Variants in THUMPD2 observed in about 807,000 individuals in gnomAD.
The protein encoded by THUMPD2 is U6 snRNA (guanine-N(2))-methyltransferase THUMPD2.
THUMPD2 carries 56 observed loss-of-function variants against 49.4 expected under a neutral mutation model. That is an observed-to-expected ratio of 1.13 (90% CI 0.91 to 1.41). The LOEUF is 1.41. THUMPD2 is among the 40% of genes most tolerant of loss of function. The pLI is 0.00. For synonymous variants in THUMPD2, 237 were observed against 205.2 expected (o/e 1.15, Z -1.32); for missense variants, 709 against 594.5 (o/e 1.19, Z -2.00).
chr2:39,769,599 G>C, intron 3 of THUMPD2, 111 bp downstream of exon 3: 2 of 1,134,094 alleles, frequency 1.8e-6, no homozygotes, highest in Non-Finnish European at 2.4e-6. Flanking sequence ...CTACTCAGGA[G>C]GCTGAGGCAA....
At chr2:39,747,637 G>T (rs1170947890) in intron 8 of THUMPD2, among the ~76,000 whole-genome samples, 1 of 152,046 alleles carries the variant, frequency 6.6e-6, no homozygotes, top group Non-Finnish European at 1.5e-5. Context: ...TGTGCAAAAT[G>T]AAATTTTTAA....
chr2:39,736,706 C>T lies in THUMPD2; in HGVS notation c.*29G>A. On this transcript the variant is annotated 3_prime_UTR_variant, in exon 10 of 10. Coordinates refer to ENST00000505747, the MANE Select transcript of THUMPD2 (RefSeq NM_025264.5). ...CTGCTGTACAGCTAACTTACAAGGGCCTGAACCCGGCTGATGGCAGCAAGC... is the reference window on the plus strand; with the variant it reads ...CTGCTGTACAGCTAACTTACAAGGGTCTGAACCCGGCTGATGGCAGCAAGC... 6.3e-7 allele frequency: 1 copy of T among 1,591,006 alleles called. No homozygotes were observed.
intron 1 of THUMPD2, 103 bp downstream of exon 1, chr2:39,779,011 G>C (rs1054151625): frequency 7.5e-7 from 1 of 1,329,924 alleles, no homozygotes; most frequent in Non-Finnish European, 9.6e-7. Context: ...GCGTGGAACA[G>C]AGAGGGGCGC....
intron 8 of THUMPD2, 64 bp downstream of exon 8, chr2:39,755,231 T>C: frequency 8.8e-7 from 1 of 1,134,116 alleles, no homozygotes; most frequent in Non-Finnish European, 1.2e-6. Flanking sequence ...TTGTTTTATA[T>C]TATGATTCTA....
chr2:39,747,302 C>T (rs4670956), intron 8 of THUMPD2, among the ~76,000 whole-genome samples: 84,019 of 151,976 alleles, frequency 0.55, 24,180 homozygotes, highest in East Asian at 0.75. Context: ...GACCTTCTCT[C>T]GTTTGGTTGC....
chr2:39,764,206 C>T (rs1397533026), intron 5 of THUMPD2, among the ~76,000 whole-genome samples: 3 of 152,168 alleles, frequency 2.0e-5, no homozygotes, highest in Non-Finnish European at 2.9e-5. Flanking sequence ...CTGGATTGAA[C>T]TGTTTCAAAA....
chr2:39,757,361 T>C, intron 6 of THUMPD2: 2 of 1,300,330 alleles, frequency 1.5e-6, no homozygotes, highest in Non-Finnish European at 1.0e-6. Flanking sequence ...GTCAGAGCCA[T>C]ATGGTACCTA....
intron 9 of THUMPD2, among the ~76,000 whole-genome samples, chr2:39,737,658 C>A (rs1469035292): frequency 6.6e-6 from 1 of 152,136 alleles, no homozygotes; most frequent in Non-Finnish European, 1.5e-5. Flanking sequence ...ATGCTATAAT[C>A]AAGGCAAGCA....
chr2:39,779,269 G>A (rs1679553491), upstream of THUMPD2: 3 of 1,460,474 alleles, frequency 2.1e-6, no homozygotes, highest in South Asian at 1.3e-5. Flanking sequence ...CGCGCCTTCG[G>A]GTCACGTGGC....
chr2:39,737,792 C>A (rs143451984), intron 9 of THUMPD2, among the ~76,000 whole-genome samples: 1 of 152,092 alleles, frequency 6.6e-6, no homozygotes, highest in Admixed American at 6.6e-5. Flanking sequence ...GGCAAAGCGA[C>A]GGCAAGCGGC....
chr2:39,736,979 T>C lies in THUMPD2; in HGVS notation c.1268A>G (p.Asn423Ser), dbSNP rs2148138798. ...HRRLTDCKESNIPFNSKDSHT... is the reference protein window; with the variant it reads ...HRRLTDCKESSIPFNSKDSHT... ...ACTGTCCTTGGAATTGAAAGGGATG[T>C]TGCTCTCTTTACAATCTGTAAGGCG... The change falls in exon 10 of 10, where the codon AAC (asparagine) becomes AGC (serine). Residue 423 changes from asparagine (N) to serine (S), a missense_variant. Coordinates refer to ENST00000505747, the MANE Select transcript of THUMPD2 (RefSeq NM_025264.5). 6.2e-7 allele frequency: 1 copy of C among 1,614,116 alleles called. No individual in the cohort carries two copies. The highest frequency in any genetic ancestry group is 1.3e-5 in the African/African-American group (1 of 75,030).
intron 5 of THUMPD2, among the ~76,000 whole-genome samples, chr2:39,761,694 A>G (rs1676845696): frequency 6.6e-6 from 1 of 152,170 alleles, no homozygotes; most frequent in Non-Finnish European, 1.5e-5. Flanking sequence ...GTAATTACAC[A>G]TGAGGAAAAT....
chr2:39,774,607 T>C (rs1192032607), intron 1 of THUMPD2, among the ~76,000 whole-genome samples: 1 of 152,226 alleles, frequency 6.6e-6, no homozygotes, highest in Non-Finnish European at 1.5e-5. Context: ...TTTGTGAAGA[T>C]AGGTATGATA....
intron 9 of THUMPD2, among the ~76,000 whole-genome samples, chr2:39,744,034 G>C (rs1305388975): frequency 7.9e-6 from 1 of 127,226 alleles, no homozygotes; most frequent in Non-Finnish European, 1.6e-5. Flanking sequence ...TTAACACAGA[G>C]AAGGCAGGTT....
intron 8 of THUMPD2, among the ~76,000 whole-genome samples, chr2:39,753,195 G>T (rs1675644821): frequency 6.6e-6 from 1 of 152,080 alleles, no homozygotes; most frequent in Admixed American, 6.5e-5. Context: ...TCAAGAAAAT[G>T]CTCTAAACTA....
chr2:39,747,265 ATT>A (rs1674726569), intron 8 of THUMPD2, among the ~76,000 whole-genome samples: 1 of 152,208 alleles, frequency 6.6e-6, no homozygotes, highest in Non-Finnish European at 1.5e-5. Context: ...GCCAAAATAT[ATT>A]TTGAGGTTTA....
Position 39,770,065 on chromosome 2 carries a change from A to C in THUMPD2, c.317T>G (p.Leu106Trp). 1 of 1,557,726 alleles carries C rather than the reference A, an allele frequency of 6.4e-7. No homozygotes were observed. The highest frequency in any genetic ancestry group is 8.6e-7 in the Non-Finnish European group (1 of 1,163,658). ...RLINEDPGSW[L>W]NAISIWKNLL... Reference sequence around the variant, plus strand: ...ATTTTTCCAAATTGAAATGGCATTCAACCAACTTCCTGGATCTTCATTTAT... The same window carrying C: ...ATTTTTCCAAATTGAAATGGCATTCCACCAACTTCCTGGATCTTCATTTAT... Residue 106 changes from leucine to tryptophan, a missense_variant, in exon 3 of 10, where the codon TTG (leucine) becomes TGG (tryptophan). Leu to Trp is a moderately conservative substitution (Grantham distance 61). Coordinates refer to ENST00000505747, the MANE Select transcript of THUMPD2 (RefSeq NM_025264.5).
chr2:39,769,905 C>A lies in THUMPD2; in HGVS notation c.477G>T (p.Arg159Ser), dbSNP rs1192195645. The change falls in exon 3 of 10, where the codon AGG (arginine) becomes AGT (serine). Residue 159 changes from arginine (R) to serine (S), a missense_variant. Physicochemically the swap from Arg to Ser is moderately radical, Grantham distance 110. Transcript: ENST00000505747. ...IEQMQKIEEN[R>S]DCQLEKQIKE... Reference sequence around the variant, plus strand: ...TTATTTGTTTTTCCAGCTGGCAGTCCCTATTCTCTTCTATCTTTTGCATTT... The same window carrying A: ...TTATTTGTTTTTCCAGCTGGCAGTCACTATTCTCTTCTATCTTTTGCATTT... The A allele has an allele frequency of 1.3e-6, 2 of 1,592,252 alleles. No individual in the cohort carries two copies. Among genetic ancestry groups the A allele is most frequent in the African/African-American group, 2.7e-5 (2 of 72,910 alleles).
At chr2:39,748,247 C>G (rs567155180) in intron 8 of THUMPD2, among the ~76,000 whole-genome samples, 1 of 152,238 alleles carries the variant, frequency 6.6e-6, no homozygotes, top group South Asian at 2.1e-4. Context: ...TAGCACCACC[C>G]TAGGACACTT....
Sources: allele counts gnomAD v4.1 joint callset (sites outside exome capture counted in the v4.1 genomes callset), GRCh38; gene constraint gnomAD v4.1.1; transcripts MANE v1.5; gene names NCBI Gene and HGNC (gene_info 2026-07-23, HGNC 2026-07-21).